Variants in PPM1G observed in about 807,000 individuals in gnomAD.
PPM1G encodes protein phosphatase 1G.
In PPM1G, 12 loss-of-function variants were observed where a neutral mutation model predicts 59.4. The ratio of observed to expected loss-of-function variants is 0.20; its 90% CI spans 0.13 to 0.33. The LOEUF is 0.33. Among genes scored for constraint, PPM1G ranks in the 10% least tolerant of loss-of-function variants. PPM1G has a pLI of 1.00. For missense variants in PPM1G, 392 were observed against 681.3 expected (o/e 0.58, Z 4.73); for synonymous variants, 245 against 251.9 (o/e 0.97, Z 0.26).
intron 1 of PPM1G, chr2:27,393,478 C>T: frequency 1.3e-6 from 1 of 769,128 alleles, no homozygotes; most frequent in Non-Finnish European, 2.2e-6. Flanking sequence ...TGACGGAGGG[C>T]TGGCTATGGG....
At position 27,407,635 on chromosome 2, in the gene PPM1G, C is replaced by T. The variant is rs112730017; in HGVS notation, c.120+1668G>A. 3.8e-3 allele frequency among the ~76,000 whole-genome samples: 584 copies of T among 152,248 alleles called. 7 individuals carry two copies. The highest frequency in any genetic ancestry group is 0.013 in the African/African-American group (552 of 41,536). On this transcript the variant is annotated intron_variant, in intron 1 of 9. Transcript: ENST00000344034. ...TGTGTATGGTGGTGAAATATGAATG[C>T]TATGCTTCAGTTTGACATAGATGAT...
At chr2:27,405,686 C>T (rs760386303) in intron 1 of PPM1G, among the ~76,000 whole-genome samples, 54 of 152,028 alleles carry the variant, frequency 3.6e-4, no homozygotes, top group Admixed American at 9.8e-4. Flanking sequence ...TAAGCCACCA[C>T]GACTGGCCTG....
intron 1 of PPM1G, among the ~76,000 whole-genome samples, chr2:27,403,166 G>A (rs1030302982): frequency 3.3e-5 from 5 of 151,990 alleles, no homozygotes; most frequent in Admixed American, 2.0e-4. Flanking sequence ...TAAAAAGGCC[G>A]GGCACAGTGG....
At chr2:27,396,786 A>G (rs1558320324) in intron 1 of PPM1G, among the ~76,000 whole-genome samples, 1 of 142,940 alleles carries the variant, frequency 7.0e-6, no homozygotes, top group Non-Finnish European at 1.5e-5. Context: ...ATTGCACTCC[A>G]GCATAGGTGA....
intron 2 of PPM1G, 138 bp from the exon 3 acceptor site, chr2:27,386,417 A>G: frequency 1.7e-6 from 1 of 577,568 alleles, no homozygotes; most frequent in Non-Finnish European, 3.1e-6. Context: ...CCCTATTTGA[A>G]GGACACTGTT....
Position 27,384,057 on chromosome 2 carries a change from C to T in PPM1G, c.861G>A (p.Glu287=). 6.2e-7 allele frequency: 1 copy of T among 1,613,542 alleles called. No homozygotes were observed. The change falls in exon 6 of 10, where the codon GAG becomes GAA. Residue 287 remains glutamate (E), a synonymous_variant. Coordinates refer to ENST00000344034, the MANE Select transcript of PPM1G (RefSeq NM_177983.3). This position sits in a 1 kb window ranked among gnomAD's most constrained non-coding sequence, Gnocchi z 4.8. ...CSEEEDGYSS[E]EAENEEDEDD... Reference sequence around the variant, plus strand: ...CCTCATCTTCCTCATTCTCTGCCTCCTCACTGCTGTAGCCATCCTCTTCCT... The same window carrying T: ...CCTCATCTTCCTCATTCTCTGCCTCTTCACTGCTGTAGCCATCCTCTTCCT...
chr2:27,409,243 CTCTT>C, intron 1 of PPM1G, 56 bp downstream of exon 1: 1 of 1,515,262 alleles, frequency 6.6e-7, no homozygotes, highest in Non-Finnish European at 8.8e-7. Flanking sequence ...ATCCCCCGCT[CTCTT>C]TCTCCGTCAG....
At chr2:27,405,577 A>T (rs1234694163) in intron 1 of PPM1G, among the ~76,000 whole-genome samples, 1 of 150,094 alleles carries the variant, frequency 6.7e-6, no homozygotes, top group East Asian at 2.0e-4. Context: ...TTGTATTTTC[A>T]GTAGAGACGG....
rs1663468770 is a variant in PPM1G, at chr2:27,409,582, C to G, written c.-160G>C. On this transcript the variant is annotated 5_prime_UTR_variant, in exon 1 of 10. Transcript: ENST00000344034. The stretch of plus-strand genomic sequence containing the variant: ...GGCCGGCCAGGAGGCGGTAACGGGA[C>G]GGGAGCTGTGAGGGAGCGGAAGCGG... 1 of 954,440 alleles carries G rather than the reference C, an allele frequency of 1.0e-6. No individual in the cohort carries two copies. Among genetic ancestry groups the G allele is most frequent in the African/African-American group, 1.7e-5 (1 of 57,398 alleles). The allele number at this position is 954,440 out of a possible 1,614,324, so 59.1% of individuals were successfully genotyped here.
At position 27,392,944 on chromosome 2, in the gene PPM1G, C is replaced by G. The variant is rs567388372; in HGVS notation, c.121-5786G>C. On this transcript the variant is annotated intron_variant, in intron 1 of 9. Coordinates refer to ENST00000344034, the MANE Select transcript of PPM1G (RefSeq NM_177983.3). ...CAGGTAATGTGTCTCAATGAAGTCA[C>G]ACAAATGGGGGTCATTTTTGTCAGT... 7 of 1,481,040 alleles carry G rather than the reference C, an allele frequency of 4.7e-6. No homozygotes were observed. In the African/African-American group the frequency reaches 5.5e-5, roughly 12 times the overall value. 91.7% of individuals were successfully genotyped at this position (1,481,040 alleles called of 1,614,324 possible). A position where few individuals can be genotyped will look rare whatever the true frequency, so the allele number is the denominator to read the frequency against.
chr2:27,385,184 C>T lies in PPM1G; in HGVS notation c.410-96G>A. 7.6e-7 allele frequency: 1 copy of T among 1,316,214 alleles called. No individual in the cohort carries two copies. The highest frequency in any genetic ancestry group is 1.5e-5 in the African/African-American group (1 of 67,830). 81.5% of individuals were successfully genotyped at this position (1,316,214 alleles called of 1,614,324 possible). A position where few individuals can be genotyped will look rare whatever the true frequency, so the allele number is the denominator to read the frequency against. On this transcript the variant is annotated intron_variant, in intron 4 of 9. Coordinates refer to ENST00000344034, the MANE Select transcript of PPM1G (RefSeq NM_177983.3). The surrounding 1 kb of genome is among the most constrained non-coding windows in gnomAD (Gnocchi z 4.1). ...AACAGCCCTTGCAGCCTCTAACTTC[C>T]CCACAACCTCCCACTCCCAAGGTTC...
At chr2:27,386,637 C>A in intron 2 of PPM1G, 1 of 182,100 alleles carries the variant, frequency 5.5e-6, no homozygotes, top group South Asian at 1.0e-4. Context: ...TCACTGCAAC[C>A]TCCACCTCCC....
intron 1 of PPM1G, chr2:27,393,006 A>AT: frequency 3.3e-6 from 5 of 1,514,120 alleles, no homozygotes; most frequent in South Asian, 1.1e-5. Context: ...ACTGATTCAC[A>AT]TTTTTTTCCA....
At chr2:27,392,286 G>GTTTTGT (rs1553313458) in intron 1 of PPM1G, among the ~76,000 whole-genome samples, 6 of 70,418 alleles carry the variant, frequency 8.5e-5, no homozygotes, top group African/African-American at 3.7e-4. Flanking sequence ...GGTTTGTTTT[G>GTTTTGT]TTTTTTTTTT....
At chr2:27,406,783 A>G (rs986676079) in intron 1 of PPM1G, among the ~76,000 whole-genome samples, 2 of 152,136 alleles carry the variant, frequency 1.3e-5, no homozygotes, top group Middle Eastern at 3.2e-3. Flanking sequence ...AAATGAAAAA[A>G]CAACAGCAGA....
intron 2 of PPM1G, 80 bp from the exon 3 acceptor site, chr2:27,386,359 G>T: frequency 9.7e-7 from 1 of 1,030,644 alleles, no homozygotes; most frequent in Non-Finnish European, 1.5e-6. Flanking sequence ...ATGCCATACT[G>T]GAGTGAACCC....
chr2:27,406,753 T>C (rs1424722761), intron 1 of PPM1G, among the ~76,000 whole-genome samples: 3 of 151,680 alleles, frequency 2.0e-5, no homozygotes, highest in Non-Finnish European at 2.9e-5. Flanking sequence ...TAAGTAAAAG[T>C]AGAAAGAAGG....
At chr2:27,394,904 C>T (rs1172460595) in intron 1 of PPM1G, among the ~76,000 whole-genome samples, 2 of 151,860 alleles carry the variant, frequency 1.3e-5, no homozygotes. Context: ...CTACCTCATA[C>T]CCATTAGAAT....
intron 1 of PPM1G, among the ~76,000 whole-genome samples, chr2:27,400,516 G>A (rs537197483): frequency 6.6e-6 from 1 of 152,280 alleles, no homozygotes; most frequent in African/African-American, 2.4e-5. Context: ...CACTTTGGGA[G>A]GCTGAGGTGA....
Sources: allele counts gnomAD v4.1 joint callset (sites outside exome capture counted in the v4.1 genomes callset), GRCh38; gene constraint gnomAD v4.1.1; non-coding constraint Gnocchi (gnomAD v3.1); transcripts MANE v1.5; gene names NCBI Gene and HGNC (gene_info 2026-07-23, HGNC 2026-07-21).